The following MSRA variants were observed in gnomAD, a reference collection of about 807,000 sequenced individuals.
The protein encoded by MSRA is mitochondrial peptide methionine sulfoxide reductase.
MSRA carries 54 observed loss-of-function variants against 31.3 expected under a neutral mutation model. That is an observed-to-expected ratio of 1.73 (90% CI 1.39 to 2.17). The LOEUF (loss-of-function observed/expected upper bound fraction) is 2.17, where lower values mean the gene tolerates loss of function less well. Among genes scored for constraint, MSRA ranks in the 30% most tolerant of loss-of-function variants. MSRA has a pLI of 0.00. For synonymous variants in MSRA, 169 were observed against 116.5 expected, an observed-to-expected ratio of 1.45 and a Z score of -2.90; for missense variants, 507 against 300.9, an observed-to-expected ratio of 1.69 and a Z score of -5.07.
chr8:10,420,226 G>C (rs1342656138), intron 5 of MSRA, among the ~76,000 whole-genome samples: 1 of 151,912 alleles, frequency 6.6e-6, no homozygotes, highest in African/African-American at 2.4e-5. Context: ...AGCTAGAGGA[G>C]TCAAATTCAG....
intron 3 of MSRA, among the ~76,000 whole-genome samples, chr8:10,280,352 C>T (rs1255688863): frequency 9.2e-6 from 1 of 108,240 alleles, no homozygotes; most frequent in African/African-American, 3.4e-5. Context: ...TTACTTTTTG[C>T]TCCTTTCTAA....
chr8:10,289,920 A>C (rs1307932886), intron 3 of MSRA, among the ~76,000 whole-genome samples: 1 of 152,154 alleles, frequency 6.6e-6, no homozygotes, highest in African/African-American at 2.4e-5. Context: ...TAGTATATGG[A>C]GTTATAAGAT....
intron 1 of MSRA, among the ~76,000 whole-genome samples, chr8:10,070,588 A>G (rs751149787): frequency 6.6e-6 from 1 of 152,204 alleles, no homozygotes; most frequent in Non-Finnish European, 1.5e-5. Context: ...GACAGAGTCA[A>G]TATACAGAAC....
At chr8:10,398,818 GTCTTGT>G (rs1807264187) in intron 5 of MSRA, among the ~76,000 whole-genome samples, 1 of 152,214 alleles carries the variant, frequency 6.6e-6, no homozygotes, top group African/African-American at 2.4e-5. Context: ...CAAAAGAGTT[GTCTTGT>G]TCTTAAGAGC....
At chr8:10,100,827 A>T (rs181094015) in intron 1 of MSRA, among the ~76,000 whole-genome samples, 1 of 152,168 alleles carries the variant, frequency 6.6e-6, no homozygotes, top group Non-Finnish European at 1.5e-5. Flanking sequence ...TTCTTCTCTT[A>T]CAGTTAAGAA....
At chr8:10,209,472 A>G (rs1003991294) in intron 2 of MSRA, among the ~76,000 whole-genome samples, 2 of 152,242 alleles carry the variant, frequency 1.3e-5, no homozygotes, top group Admixed American at 6.5e-5. Context: ...TTGTTTGACT[A>G]CAGAATTCGA....
At chr8:10,371,548 G>C (rs957362385) in intron 5 of MSRA, among the ~76,000 whole-genome samples, 19 of 152,138 alleles carry the variant, frequency 1.2e-4, no homozygotes, top group Admixed American at 1.2e-3. Flanking sequence ...ATTCTTTCTA[G>C]TTAGGAAGGA....
At chr8:10,364,100 T>C (rs929088822) in intron 5 of MSRA, among the ~76,000 whole-genome samples, 27 of 152,262 alleles carry the variant, frequency 1.8e-4, no homozygotes, top group African/African-American at 6.5e-4. Context: ...TAGAGACCCT[T>C]TGCTCATTAC....
chr8:10,101,097 C>T (rs952871228), intron 1 of MSRA, among the ~76,000 whole-genome samples: 10 of 152,134 alleles, frequency 6.6e-5, no homozygotes, highest in Non-Finnish European at 1.5e-4. Context: ...AGTCCTTTAC[C>T]GTCTTGGGTT....
chr8:10,284,117 A>ACTGCTTTT (rs1175151122), intron 3 of MSRA, among the ~76,000 whole-genome samples: 3 of 152,120 alleles, frequency 2.0e-5, no homozygotes, highest in African/African-American at 7.2e-5. Context: ...CATTCCTGCC[A>ACTGCTTTT]CTGCTTTTCT....
rs528904140 is a variant in MSRA, at chr8:10,197,497, A to T, written c.143-10336A>T. Among the ~76,000 whole-genome samples, 3 of 152,220 alleles carry T rather than the reference A, an allele frequency of 2.0e-5. No homozygotes were observed. In the East Asian group the frequency reaches 5.8e-4, roughly 29 times the overall value. Reference sequence around the variant, plus strand: ...AGCAACCCTAAGAAGTGGGTCGGGCATTGCGGGCTGGTGAAGGCTGGAGAG... The same window carrying T: ...AGCAACCCTAAGAAGTGGGTCGGGCTTTGCGGGCTGGTGAAGGCTGGAGAG... On this transcript the variant is annotated intron_variant, in intron 1 of 5. Transcript: ENST00000317173.
intron 5 of MSRA, among the ~76,000 whole-genome samples, chr8:10,332,836 A>G (rs1254498588): frequency 2.0e-5 from 3 of 152,242 alleles, no homozygotes; most frequent in Non-Finnish European, 4.4e-5. Context: ...TGGGCTTTAC[A>G]TATTAAACTG....
At chr8:10,330,059 G>A (rs1802605295) in intron 5 of MSRA, among the ~76,000 whole-genome samples, 1 of 142,446 alleles carries the variant, frequency 7.0e-6, no homozygotes, top group African/African-American at 2.5e-5. Context: ...AAAAGCATTT[G>A]GATGTTTGGC....
intron 1 of MSRA, among the ~76,000 whole-genome samples, chr8:10,153,657 G>C (rs1393044055): frequency 6.6e-6 from 1 of 152,082 alleles, no homozygotes; most frequent in Non-Finnish European, 1.5e-5. Flanking sequence ...GCACAGGTGA[G>C]GGTGTCGCCC....
intron 5 of MSRA, among the ~76,000 whole-genome samples, chr8:10,424,859 A>G (rs768886999): frequency 6.6e-6 from 1 of 152,182 alleles, no homozygotes; most frequent in Non-Finnish European, 1.5e-5. Context: ...AGATGTCATG[A>G]TTAACTTAAT....
chr8:10,339,556 T>TTTTTTTTC (rs1554531885), intron 5 of MSRA, among the ~76,000 whole-genome samples: 2 of 100,718 alleles, frequency 2.0e-5, no homozygotes, highest in Admixed American at 1.2e-4. Flanking sequence ...TTTTTTTTTT[T>TTTTTTTTC]TCTGAGACGG....
chr8:10,412,541 C>T (rs781407379), intron 5 of MSRA, among the ~76,000 whole-genome samples: 4 of 152,156 alleles, frequency 2.6e-5, no homozygotes, highest in Admixed American at 1.3e-4. Flanking sequence ...ACAGGGGTTA[C>T]GCGTTTGAAG....
intron 5 of MSRA, among the ~76,000 whole-genome samples, chr8:10,354,723 A>G (rs1221840515): frequency 1.4e-5 from 2 of 142,242 alleles, no homozygotes; most frequent in Non-Finnish European, 3.0e-5. Flanking sequence ...TTTTCATACC[A>G]GTTATGTAAT....
At position 10,356,889 on chromosome 8, in the gene MSRA, T is replaced by TAAA. The variant is rs869099944; in HGVS notation, c.543+36919_543+36921dup. Among the ~76,000 whole-genome samples, 1,049 of 105,068 alleles carry TAAA rather than the reference T, an allele frequency of 1.0e-2. 18 individuals are homozygous for TAAA. Among genetic ancestry groups the TAAA allele is most frequent in the African/African-American group, 0.035 (994 of 28,712 alleles). The allele number at this position is 105,068 out of a possible 152,430, so 68.9% of individuals were successfully genotyped here. A position where few individuals can be genotyped will look rare whatever the true frequency, so the allele number is the denominator to read the frequency against. The stretch of plus-strand genomic sequence containing the variant: ...GCTGCTGTTTTTGAGCCTTGCCCAT[T>TAAA]AAAAAAAAAAAAAAAAAAAAATATA... On this transcript the variant is annotated intron_variant, in intron 5 of 5. Coordinates refer to ENST00000317173, the MANE Select transcript of MSRA (RefSeq NM_012331.5).
Sources: allele counts gnomAD v4.1 joint callset (sites outside exome capture counted in the v4.1 genomes callset), GRCh38; gene constraint gnomAD v4.1.1; transcripts MANE v1.5; gene names NCBI Gene and HGNC (gene_info 2026-07-23, HGNC 2026-07-21).